GSG1L: variants seen among roughly 807,000 people sequenced by gnomAD.
GSG1L encodes the protein germ cell-specific gene 1-like protein.
In GSG1L, 24 loss-of-function variants were observed where a neutral mutation model predicts 42.1. That is an observed-to-expected ratio of 0.57 (90% CI 0.41 to 0.80). The LOEUF (loss-of-function observed/expected upper bound fraction) is 0.80, where lower values mean the gene tolerates loss of function less well. GSG1L is among the 30% of genes least tolerant of loss of function. The pLI is 0.00. For missense variants in GSG1L, 445 were observed against 472.2 expected, an observed-to-expected ratio of 0.94 and a Z score of 0.53; for synonymous variants, 215 against 203.5, an observed-to-expected ratio of 1.06 and a Z score of -0.48.
At chr16:27,934,459 T>TA (rs1482580577) in intron 2 of GSG1L, among the ~76,000 whole-genome samples, 1 of 152,108 alleles carries the variant, frequency 6.6e-6, no homozygotes, top group Non-Finnish European at 1.5e-5. Flanking sequence ...CGCTTGAACC[T>TA]GGGAGGCGGA....
At chr16:28,046,420 C>T (rs1474328644) in intron 1 of GSG1L, among the ~76,000 whole-genome samples, 2 of 142,886 alleles carry the variant, frequency 1.4e-5, no homozygotes, top group Non-Finnish European at 3.0e-5. Context: ...GTAGTGTGAT[C>T]TCAGCTCACT....
intron 1 of GSG1L, among the ~76,000 whole-genome samples, chr16:28,010,543 C>T (rs76971590): frequency 0.05 from 7,660 of 152,160 alleles, 281 homozygotes; most frequent in East Asian, 0.12. Context: ...GAGGTGCCAC[C>T]GTGCCAAGGC....
At chr16:27,863,437 C>T (rs547529955) in intron 3 of GSG1L, 3 of 152,286 alleles carry the variant, frequency 2.0e-5, no homozygotes, top group East Asian at 1.9e-4. Context: ...TATATCTTTT[C>T]CCATTCTTCT....
chr16:27,815,591 A>T (rs1644609), intron 5 of GSG1L, among the ~76,000 whole-genome samples: 101,673 of 152,040 alleles, frequency 0.67, 34,455 homozygotes, highest in African/African-American at 0.78. Flanking sequence ...TGCTCAGAAC[A>T]GGCATCAGGT....
chr16:27,971,580 A>G (rs1371284062), intron 1 of GSG1L, among the ~76,000 whole-genome samples: 1 of 152,200 alleles, frequency 6.6e-6, no homozygotes, highest in African/African-American at 2.4e-5. Flanking sequence ...GACTCATATC[A>G]TCTGCAAATA....
Position 28,063,113 on chromosome 16 carries a change from G to T in GSG1L, c.312C>A (p.Gly104=). The part of the protein sequence containing the change: ...DRFLFRNFHT[G]IWYSCEEELS... Reference sequence around the variant, plus strand: ...GCTCCTCCTCGCACGAGTACCAGATGCCGGTGTGGAAATTCCTGAAGAGGA... The same window carrying T: ...GCTCCTCCTCGCACGAGTACCAGATTCCGGTGTGGAAATTCCTGAAGAGGA... The change falls in exon 1 of 7, where the codon GGC becomes GGA. Residue 104 remains glycine, a synonymous_variant. Transcript: ENST00000447459. This position sits in a 1 kb window ranked among gnomAD's most constrained non-coding sequence, Gnocchi z 5.8. 1 of 1,442,038 alleles carries T rather than the reference G, an allele frequency of 6.9e-7. No individual in the cohort carries two copies. The highest frequency in any genetic ancestry group is 9.2e-7 in the Non-Finnish European group (1 of 1,092,202). The allele number at this position is 1,442,038 out of a possible 1,614,324, so 89.3% of individuals were successfully genotyped here. A position where few individuals can be genotyped will look rare whatever the true frequency, so the allele number is the denominator to read the frequency against.
intron 3 of GSG1L, among the ~76,000 whole-genome samples, chr16:27,849,559 AC>A (rs1243336401): frequency 6.6e-6 from 1 of 152,082 alleles, no homozygotes; most frequent in African/African-American, 2.4e-5. Flanking sequence ...TTGTTTTGAG[AC>A]AGAGTCTCAC....
intron 1 of GSG1L, among the ~76,000 whole-genome samples, chr16:28,046,147 G>A (rs1341400915): frequency 1.3e-5 from 2 of 152,084 alleles, no homozygotes; most frequent in Non-Finnish European, 2.9e-5. Flanking sequence ...AATTGGGGCT[G>A]ACCTCAGACA....
chr16:27,803,563 C>T (rs1597460265), intron 6 of GSG1L, among the ~76,000 whole-genome samples: 2 of 151,990 alleles, frequency 1.3e-5, no homozygotes, highest in South Asian at 2.1e-4. Flanking sequence ...CAGGGAAACA[C>T]AAACCAAGAC....
intron 6 of GSG1L, among the ~76,000 whole-genome samples, chr16:27,795,716 C>T (rs933932897): frequency 2.0e-5 from 3 of 152,202 alleles, no homozygotes; most frequent in African/African-American, 4.8e-5. Flanking sequence ...TTTCTGGGAA[C>T]CTCCCAAGGT....
chr16:27,813,025 C>T (rs1356406210), intron 5 of GSG1L, among the ~76,000 whole-genome samples: 1 of 152,144 alleles, frequency 6.6e-6, no homozygotes, highest in African/African-American at 2.4e-5. Context: ...ACTGATCCAC[C>T]TGCCTTGGCC....
chr16:27,997,828 CA>C (rs1265765297), intron 1 of GSG1L, among the ~76,000 whole-genome samples: 1 of 148,384 alleles, frequency 6.7e-6, no homozygotes, highest in Non-Finnish European at 1.5e-5. Context: ...TGTAGTTTTT[CA>C]TCCCTCACTC....
At chr16:27,982,565 T>C (rs1029692661) in intron 1 of GSG1L, among the ~76,000 whole-genome samples, 5 of 152,162 alleles carry the variant, frequency 3.3e-5, no homozygotes, top group African/African-American at 1.2e-4. Flanking sequence ...CATAGTCCCC[T>C]GGGTTAGTCT....
rs1288750965 is a variant in GSG1L at position 27,888,428 on chromosome 16, CTT to C, written c.398-3792_398-3791del. On this transcript the variant is annotated intron_variant, in intron 2 of 6. Coordinates refer to ENST00000447459, the MANE Select transcript of GSG1L (RefSeq NM_001109763.2). ...TCTTTCTTTCTTTCTTTCTTTCTTT[CTT>C]TCTTTCTTTCTTTCTTTCTTTCTTT... Among the ~76,000 whole-genome samples the C allele has an allele frequency of 9.5e-5, 2 of 20,950 alleles. 1 individual carries two copies. Among genetic ancestry groups the C allele is most frequent in the Non-Finnish European group, 3.2e-4 (2 of 6,204 alleles). 13.7% of individuals were successfully genotyped at this position (20,950 alleles called of 152,430 possible). A position where few individuals can be genotyped will look rare whatever the true frequency, so the allele number is the denominator to read the frequency against.
Position 27,931,860 on chromosome 16 carries a change from G to A in GSG1L, c.397+31296C>T, listed in dbSNP as rs560880888. Among the ~76,000 whole-genome samples the A allele has an allele frequency of 5.9e-5, 9 of 152,262 alleles. No individual in the cohort carries two copies. In the East Asian group the frequency reaches 1.7e-3, roughly 29 times the overall value. On this transcript the variant is annotated intron_variant, in intron 2 of 6. Coordinates refer to ENST00000447459, the MANE Select transcript of GSG1L (RefSeq NM_001109763.2). ...CAGTGTGGAGAATCAGGCGGGTGTT[G>A]GGTTAGGTATAGACACAGCCACATG...
chr16:27,987,647 C>T (rs34799624), intron 1 of GSG1L, among the ~76,000 whole-genome samples: 16 of 151,950 alleles, frequency 1.1e-4, no homozygotes, highest in African/African-American at 3.6e-4. Flanking sequence ...CTGGGGAAGA[C>T]GTTAGAAAGG....
intron 4 of GSG1L, among the ~76,000 whole-genome samples, chr16:27,843,393 C>G (rs2891611): frequency 0.07 from 10,533 of 151,102 alleles, 476 homozygotes; most frequent in East Asian, 0.15. Flanking sequence ...AAGTCATAAC[C>G]AGGATTTTAG....
chr16:27,983,040 A>T (rs2141127438), intron 1 of GSG1L, among the ~76,000 whole-genome samples: 1 of 152,324 alleles, frequency 6.6e-6, no homozygotes, highest in Admixed American at 6.5e-5. Context: ...GCAGGAAACA[A>T]ACTTCTATTG....
intron 3 of GSG1L, among the ~76,000 whole-genome samples, chr16:27,849,676 C>T (rs2083485624): frequency 6.6e-6 from 1 of 151,972 alleles, no homozygotes; most frequent in South Asian, 2.1e-4. Flanking sequence ...GTGCATGCCA[C>T]CACACTTGGC....
Sources: gnomAD v4.1 joint callset for allele counts (sites outside exome capture counted in the v4.1 genomes callset) on GRCh38, gnomAD v4.1.1 for gene constraint, Gnocchi (gnomAD v3.1) non-coding constraint, MANE v1.5 for transcripts, NCBI Gene and HGNC (gene_info 2026-07-23, HGNC 2026-07-21) for gene names.